Variants in GMDS observed in about 807,000 individuals in gnomAD.
GMDS encodes GDP-mannose 4,6 dehydratase.
Under a neutral mutation model 49.9 loss-of-function variants are expected in GMDS, and 20 were observed. The observed-to-expected ratio is 0.40, with a 90% CI of 0.28 to 0.58. The LOEUF (loss-of-function observed/expected upper bound fraction) is 0.58, where lower values mean the gene tolerates loss of function less well. Ranked by LOEUF, GMDS falls within the 20% of genes least tolerant of loss-of-function variation. GMDS has a pLI of 0.42. For missense variants in GMDS, 362 were observed against 481.4 expected (o/e 0.75, Z 2.32); for synonymous variants, 177 against 178.6 (o/e 0.99, Z 0.07).
At chr6:2,115,672 G>C (rs745793933) in intron 4 of GMDS, 99 bp downstream of exon 4, 1 of 716,798 alleles carries the variant, frequency 1.4e-6, no homozygotes. Context: ...TGAAGACTAA[G>C]ACCAGTGATT....
chr6:1,979,662 T>G (rs116211756), intron 4 of GMDS, among the ~76,000 whole-genome samples: 9 of 152,180 alleles, frequency 5.9e-5, no homozygotes, highest in Non-Finnish European at 1.3e-4. Flanking sequence ...CCTAGCAAGA[T>G]AGGCCAACAT....
intron 1 of GMDS, among the ~76,000 whole-genome samples, chr6:2,241,787 G>C (rs1312495729): frequency 1.3e-5 from 2 of 152,162 alleles, no homozygotes; most frequent in African/African-American, 4.8e-5. Flanking sequence ...TCAGAACCAT[G>C]AACCAAATAA....
intron 9 of GMDS, among the ~76,000 whole-genome samples, chr6:1,652,983 G>C (rs1392574772): frequency 6.6e-6 from 1 of 150,634 alleles, no homozygotes; most frequent in East Asian, 2.0e-4. Flanking sequence ...TTGGCCTTCC[G>C]GGCCACCTGC....
At chr6:2,174,001 C>T (rs1036445560) in intron 1 of GMDS, among the ~76,000 whole-genome samples, 5 of 152,170 alleles carry the variant, frequency 3.3e-5, no homozygotes, top group African/African-American at 1.2e-4. Flanking sequence ...AGGATTCCAA[C>T]CCTCGATCCC....
rs529826063 is a variant in GMDS, at chr6:1,786,637, C to T, written c.772-44051G>A. On this transcript the variant is annotated intron_variant, in intron 7 of 10. Coordinates refer to ENST00000380815, the MANE Select transcript of GMDS (RefSeq NM_001500.4). The stretch of plus-strand genomic sequence containing the variant: ...TCTCCTCCCTACAGACTGAGCACAA[C>T]AGAGGCCTGAAAAAGTCTCTGGGCC... 1.8e-4 allele frequency among the ~76,000 whole-genome samples: 27 copies of T among 152,294 alleles called. No individual in the cohort carries two copies. In the South Asian group the frequency reaches 5.0e-3, roughly 28 times the overall value.
chr6:1,848,185 C>T (rs1000878252), intron 7 of GMDS, among the ~76,000 whole-genome samples: 3 of 152,122 alleles, frequency 2.0e-5, no homozygotes, highest in Non-Finnish European at 4.4e-5. Context: ...GTAAAATCTC[C>T]AAGACCAGGT....
intron 7 of GMDS, among the ~76,000 whole-genome samples, chr6:1,868,069 C>G (rs1758528125): frequency 6.6e-6 from 1 of 152,132 alleles, no homozygotes; most frequent in Admixed American, 6.5e-5. Flanking sequence ...TCACTGCAAC[C>G]TCTGCTTCCC....
chr6:2,041,518 C>T (rs1769676948), intron 4 of GMDS, among the ~76,000 whole-genome samples: 2 of 152,116 alleles, frequency 1.3e-5, no homozygotes, highest in South Asian at 2.1e-4. Flanking sequence ...GAAAACAAAC[C>T]ATTGAACTGT....
At chr6:1,984,914 A>G (rs898985138) in intron 4 of GMDS, among the ~76,000 whole-genome samples, 2 of 152,228 alleles carry the variant, frequency 1.3e-5, no homozygotes, top group African/African-American at 4.8e-5. Context: ...AAAACAAAGC[A>G]GAAAGTAAGG....
At chr6:2,103,482 AG>A (rs1774043541) in intron 4 of GMDS, among the ~76,000 whole-genome samples, 1 of 152,170 alleles carries the variant, frequency 6.6e-6, no homozygotes. Context: ...AGAGTAGACC[AG>A]AAAAAAAATA....
intron 7 of GMDS, among the ~76,000 whole-genome samples, chr6:1,781,540 T>C (rs1030151780): frequency 6.6e-6 from 1 of 152,310 alleles, no homozygotes; most frequent in Admixed American, 6.5e-5. Flanking sequence ...GTGTGAAGCC[T>C]GAACTCTAGG....
intron 7 of GMDS, among the ~76,000 whole-genome samples, chr6:1,767,771 G>A (rs1032250996): frequency 1.1e-4 from 16 of 152,128 alleles, no homozygotes; most frequent in African/African-American, 2.9e-4. Context: ...TGACATCCCC[G>A]GAGGGCACTG....
At chr6:1,776,633 T>C (rs1768847029) in intron 7 of GMDS, among the ~76,000 whole-genome samples, 1 of 152,088 alleles carries the variant, frequency 6.6e-6, no homozygotes, top group South Asian at 2.1e-4. Context: ...TGAGCTATGA[T>C]TGCACTATTG....
intron 7 of GMDS, among the ~76,000 whole-genome samples, chr6:1,771,533 A>G (rs1214247170): frequency 1.3e-5 from 2 of 152,270 alleles, no homozygotes; most frequent in African/African-American, 4.8e-5. Context: ...GGTGGCTACA[A>G]TAGTGTGCAC....
chr6:1,930,287 T>G, intron 6 of GMDS, 57 bp from the exon 7 acceptor site: 6 of 1,507,828 alleles, frequency 4.0e-6, no homozygotes, highest in Non-Finnish European at 4.6e-6. Flanking sequence ...ATTTAACAGT[T>G]TGGTGAACCA....
At position 1,808,902 on chromosome 6, in the gene GMDS, C is replaced by CTGTG. The variant is rs530398323; in HGVS notation, c.772-66317_772-66316insCACA. On this transcript the variant is annotated intron_variant, in intron 7 of 10. Coordinates refer to ENST00000380815, the MANE Select transcript of GMDS (RefSeq NM_001500.4). ...ACTTCTTTGCACTAGTGCATGCTCT[C>CTGTG]TCTGTGTGTGTGTGTGTGTGTGTGT... Among the ~76,000 whole-genome samples, 213 of 127,346 alleles carry CTGTG rather than the reference C, an allele frequency of 1.7e-3. 1 individual carries two copies. Among genetic ancestry groups the CTGTG allele is most frequent in the African/African-American group, 6.8e-3 (202 of 29,916 alleles). The allele number at this position is 127,346 out of a possible 152,430, so 83.5% of individuals were successfully genotyped here. A position where few individuals can be genotyped will look rare whatever the true frequency, so the allele number is the denominator to read the frequency against.
chr6:2,157,310 G>C (rs945457486), intron 1 of GMDS, among the ~76,000 whole-genome samples: 5 of 152,168 alleles, frequency 3.3e-5, no homozygotes, highest in Admixed American at 3.3e-4. Flanking sequence ...TAAGTTTCTA[G>C]AGACCTCCAC....
chr6:1,887,318 T>C (rs1427931999), intron 7 of GMDS, among the ~76,000 whole-genome samples: 1 of 152,124 alleles, frequency 6.6e-6, no homozygotes, highest in East Asian at 1.9e-4. Context: ...AGGAGGGATC[T>C]TACAAAGACT....
intron 4 of GMDS, among the ~76,000 whole-genome samples, chr6:2,110,671 T>A (rs559864346): frequency 1.4e-4 from 21 of 152,260 alleles, no homozygotes; most frequent in Non-Finnish European, 2.8e-4. Context: ...TCTCAGCTCC[T>A]GCCACATGGT....
Sources: allele counts gnomAD v4.1 joint callset (sites outside exome capture counted in the v4.1 genomes callset), GRCh38; gene constraint gnomAD v4.1.1; transcripts MANE v1.5; gene names NCBI Gene and HGNC (gene_info 2026-07-23, HGNC 2026-07-21).